NPAS3: variants seen among roughly 807,000 people sequenced by gnomAD.
The protein encoded by NPAS3 is neuronal PAS domain protein 3, also known as neuronal PAS domain-containing protein 3.
A neutral mutation model predicts 73.1 loss-of-function variants in NPAS3; 14 were observed. The ratio of observed to expected loss-of-function variants is 0.19; its 90% CI spans 0.13 to 0.30. NPAS3 has a LOEUF of 0.30. Ranked by LOEUF, NPAS3 falls within the 10% of genes least tolerant of loss-of-function variation. The pLI is 1.00. For missense variants in NPAS3, 1,096 were observed against 1,250.0 expected, an observed-to-expected ratio of 0.88 and a Z score of 1.86; for synonymous variants, 620 against 541.5, an observed-to-expected ratio of 1.14 and a Z score of -2.01.
chr14:33,101,043 A>G (rs191155454), intron 2 of NPAS3, among the ~76,000 whole-genome samples: 10 of 152,190 alleles, frequency 6.6e-5, no homozygotes, highest in Admixed American at 3.9e-4. Flanking sequence ...CTGTGTTCCT[A>G]GTTACAGAGT....
chr14:33,644,576 T>G (rs901224179), intron 5 of NPAS3, among the ~76,000 whole-genome samples: 2 of 152,128 alleles, frequency 1.3e-5, no homozygotes, highest in Non-Finnish European at 1.5e-5. Context: ...TTAGGAGAGG[T>G]AGTGTCATCT....
At chr14:33,361,799 A>G (rs2045615790) in intron 3 of NPAS3, among the ~76,000 whole-genome samples, 1 of 152,212 alleles carries the variant, frequency 6.6e-6, no homozygotes, top group Non-Finnish European at 1.5e-5. Flanking sequence ...GGAATTTAAA[A>G]ATAAACCCAA....
chr14:33,108,224 C>T (rs865979648), intron 2 of NPAS3, among the ~76,000 whole-genome samples: 2 of 138,996 alleles, frequency 1.4e-5, no homozygotes, highest in Non-Finnish European at 1.5e-5. Context: ...GATGGAATCT[C>T]GTTCTGTTGC....
At chr14:33,362,494 GAA>G (rs759566356) in intron 3 of NPAS3, among the ~76,000 whole-genome samples, 12 of 152,240 alleles carry the variant, frequency 7.9e-5, no homozygotes, top group Admixed American at 3.3e-4. Context: ...CTATGCCATG[GAA>G]AGACTCATTA....
At chr14:33,112,432 A>G (rs539254352) in intron 2 of NPAS3, among the ~76,000 whole-genome samples, 3 of 152,198 alleles carry the variant, frequency 2.0e-5, no homozygotes, top group African/African-American at 7.2e-5. Flanking sequence ...GATGATGAGC[A>G]TTTTTTCATG....
At chr14:33,513,675 G>A (rs766126213) in intron 4 of NPAS3, among the ~76,000 whole-genome samples, 3 of 152,004 alleles carry the variant, frequency 2.0e-5, no homozygotes, top group Non-Finnish European at 4.4e-5. Context: ...TTCCAAGGGA[G>A]TAAGAAGGAT....
chr14:33,373,797 GA>G (rs912290755), intron 4 of NPAS3, among the ~76,000 whole-genome samples: 1 of 152,022 alleles, frequency 6.6e-6, no homozygotes, highest in Non-Finnish European at 1.5e-5. Flanking sequence ...ACCCAAACCT[GA>G]AAGAGAATTC....
At chr14:33,471,763 A>G (rs894104143) in intron 4 of NPAS3, among the ~76,000 whole-genome samples, 1 of 152,148 alleles carries the variant, frequency 6.6e-6, no homozygotes, top group Non-Finnish European at 1.5e-5. Flanking sequence ...GGAGTCCCCA[A>G]CCCCCGGTAC....
intron 4 of NPAS3, among the ~76,000 whole-genome samples, chr14:33,395,093 G>A (rs998841033): frequency 8.5e-5 from 13 of 152,110 alleles, no homozygotes; most frequent in African/African-American, 2.9e-4. Flanking sequence ...TAAGAGAATT[G>A]CAAATAGCGA....
intron 1 of NPAS3, among the ~76,000 whole-genome samples, chr14:33,002,130 T>C (rs1156655513): frequency 1.3e-5 from 2 of 152,242 alleles, no homozygotes; most frequent in Non-Finnish European, 2.9e-5. Flanking sequence ...CATTCACTTC[T>C]CTGGGTGCTT....
At chr14:33,154,178 C>T (rs2044563935) in intron 2 of NPAS3, among the ~76,000 whole-genome samples, 1 of 152,174 alleles carries the variant, frequency 6.6e-6, no homozygotes, top group South Asian at 2.1e-4. Flanking sequence ...GGGCAGTTAG[C>T]TGCCAGAGCT....
At chr14:33,210,081 A>T (rs1336069027) in intron 2 of NPAS3, among the ~76,000 whole-genome samples, 4 of 152,200 alleles carry the variant, frequency 2.6e-5, no homozygotes, top group Admixed American at 1.3e-4. Context: ...TCCTCTGTGG[A>T]TGTACAGCTA....
intron 3 of NPAS3, among the ~76,000 whole-genome samples, chr14:33,246,875 A>T (rs983131671): frequency 7.5e-6 from 1 of 132,506 alleles, no homozygotes; most frequent in South Asian, 2.5e-4. Context: ...AAAGCTGGGC[A>T]TGGTGGTGGG....
chr14:33,617,692 C>G (rs2057961635), intron 5 of NPAS3, among the ~76,000 whole-genome samples: 1 of 152,152 alleles, frequency 6.6e-6, no homozygotes, highest in South Asian at 2.1e-4. Flanking sequence ...AAAGCTGTTA[C>G]GCTGATCTGA....
chr14:33,472,748 T>G (rs2050842038), intron 4 of NPAS3, among the ~76,000 whole-genome samples: 1 of 149,620 alleles, frequency 6.7e-6, no homozygotes, highest in African/African-American at 2.5e-5. Context: ...CAGAGAAACC[T>G]GTGTGAAAGC....
intron 6 of NPAS3, among the ~76,000 whole-genome samples, chr14:33,691,785 T>C (rs1477906266): frequency 6.6e-6 from 1 of 152,208 alleles, no homozygotes; most frequent in African/African-American, 2.4e-5. Context: ...ACAGAGCCCC[T>C]TGGGGTTGTT....
chr14:33,507,134 G>T (rs752011748), intron 4 of NPAS3, among the ~76,000 whole-genome samples: 19 of 152,010 alleles, frequency 1.2e-4, no homozygotes, highest in Non-Finnish European at 2.5e-4. Flanking sequence ...TAATGAGCAT[G>T]TGGAGTTTGT....
intron 3 of NPAS3, among the ~76,000 whole-genome samples, chr14:33,284,686 C>T (rs1197496569): frequency 6.6e-6 from 1 of 152,082 alleles, no homozygotes; most frequent in African/African-American, 2.4e-5. Flanking sequence ...ATTCACATTG[C>T]ATAATATGTA....
intron 3 of NPAS3, among the ~76,000 whole-genome samples, chr14:33,247,167 T>A (rs557396516): frequency 6.1e-4 from 93 of 151,744 alleles, no homozygotes; most frequent in African/African-American, 1.7e-3. Flanking sequence ...ACATTCTATC[T>A]TAGAATATAC....
Sources: allele counts gnomAD v4.1 joint callset (sites outside exome capture counted in the v4.1 genomes callset), GRCh38; gene constraint gnomAD v4.1.1; transcripts MANE v1.5; gene names NCBI Gene and HGNC (gene_info 2026-07-23, HGNC 2026-07-21).